FUT8: variants seen among roughly 807,000 people sequenced by gnomAD.
The protein encoded by FUT8 is alpha-(1,6)-fucosyltransferase.
A neutral mutation model predicts 71.3 loss-of-function variants in FUT8; 29 were observed. That is an observed-to-expected ratio of 0.41 (90% CI 0.30 to 0.55). The LOEUF (loss-of-function observed/expected upper bound fraction) is 0.55. FUT8 is among the 20% of genes least tolerant of loss of function. The pLI, the probability that FUT8 is intolerant of heterozygous loss-of-function variation, is 0.34. For synonymous variants in FUT8, 254 were observed against 239.3 expected, an observed-to-expected ratio of 1.06 and a Z score of -0.57; for missense variants, 544 against 702.1, an observed-to-expected ratio of 0.77 and a Z score of 2.55.
intron 3 of FUT8, among the ~76,000 whole-genome samples, chr14:65,593,340 T>A (rs1337546897): frequency 2.0e-5 from 3 of 152,232 alleles, no homozygotes; most frequent in Non-Finnish European, 4.4e-5. Context: ...GAGGGGAATC[T>A]ACTGCATTCA....
intron 2 of FUT8, among the ~76,000 whole-genome samples, chr14:65,506,968 T>G (rs1182700672): frequency 6.6e-6 from 1 of 152,236 alleles, no homozygotes; most frequent in African/African-American, 2.4e-5. Context: ...CTCAGCTGTT[T>G]ACAGACTCCC....
intron 3 of FUT8, among the ~76,000 whole-genome samples, chr14:65,609,586 T>C (rs2140195178): frequency 6.6e-6 from 1 of 152,084 alleles, no homozygotes; most frequent in South Asian, 2.1e-4. Context: ...CCCGGACTCT[T>C]TTCTGTTTCA....
At chr14:65,741,385 A>G (rs1022411903) in intron 10 of FUT8, among the ~76,000 whole-genome samples, 2 of 151,964 alleles carry the variant, frequency 1.3e-5, no homozygotes, top group Admixed American at 1.3e-4. Context: ...GTGCTTGTTG[A>G]TTGTCAGTAA....
intron 7 of FUT8, among the ~76,000 whole-genome samples, chr14:65,695,348 G>T (rs74058561): frequency 1.3e-5 from 2 of 152,118 alleles, no homozygotes; most frequent in Admixed American, 6.5e-5. Context: ...GTTGTTAGGT[G>T]CATTATACAT....
intron 6 of FUT8, among the ~76,000 whole-genome samples, chr14:65,651,168 TAA>T (rs370569158): frequency 0.01 from 1,590 of 152,178 alleles, 29 homozygotes; most frequent in African/African-American, 0.037. Flanking sequence ...GAGGGAGGAT[TAA>T]AAAGAGGAGG....
chr14:65,735,640 A>G (rs962894526), intron 10 of FUT8, among the ~76,000 whole-genome samples: 1 of 152,154 alleles, frequency 6.6e-6, no homozygotes, highest in African/African-American at 2.4e-5. Context: ...ATAAAAGTTT[A>G]ACAGTAGAAA....
At chr14:65,540,945 G>A (rs1010085159) in intron 2 of FUT8, among the ~76,000 whole-genome samples, 5 of 152,178 alleles carry the variant, frequency 3.3e-5, no homozygotes, top group South Asian at 2.1e-4. Context: ...GATGGATATT[G>A]GGGATGGTTA....
At chr14:65,450,048 TTCA>T (rs1426834206) in intron 1 of FUT8, among the ~76,000 whole-genome samples, 7 of 152,248 alleles carry the variant, frequency 4.6e-5, no homozygotes, top group Non-Finnish European at 1.0e-4. Context: ...TGGGTTCTTC[TTCA>T]TTTCATATGT....
At chr14:65,460,155 G>C (rs1191677436) in intron 2 of FUT8, among the ~76,000 whole-genome samples, 1 of 152,206 alleles carries the variant, frequency 6.6e-6, no homozygotes, top group South Asian at 2.1e-4. Flanking sequence ...AGTCTTTTAG[G>C]ACAAAGGAAA....
At chr14:65,387,869 T>C in the FUT8 span, among the ~76,000 whole-genome samples, 1 of 152,226 alleles carries the variant, frequency 6.6e-6, no homozygotes, top group Non-Finnish European at 1.5e-5. Context: ...TGTTATTCCA[T>C]CATGACCACA....
rs566414481 is a variant in FUT8, at chr14:65,513,288, G to A, written c.-227-48049G>A. Among the ~76,000 whole-genome samples the A allele has an allele frequency of 2.0e-5, 3 of 152,218 alleles. No homozygotes were observed. In the East Asian group the frequency reaches 5.8e-4, roughly 29 times the overall value. On this transcript the variant is annotated intron_variant, in intron 2 of 10. Transcript: ENST00000673929. The stretch of plus-strand genomic sequence containing the variant: ...GTTATCATTTGGCATTTATTAACTA[G>A]CCTTGATATACTGTGCATTAGTTGG...
chr14:65,544,352 A>AT (rs1354077259), intron 2 of FUT8, among the ~76,000 whole-genome samples: 3 of 152,168 alleles, frequency 2.0e-5, no homozygotes, highest in African/African-American at 7.2e-5. Context: ...CTCCTACTTT[A>AT]TAGCAGGGTA....
chr14:65,597,418 G>A (rs973004147), intron 3 of FUT8, among the ~76,000 whole-genome samples: 3 of 151,658 alleles, frequency 2.0e-5, no homozygotes, highest in Non-Finnish European at 4.4e-5. Context: ...CACGAGGTCA[G>A]GAGATCGAGA....
chr14:65,419,291 C>G (rs566809259), intron 1 of FUT8, among the ~76,000 whole-genome samples: 1 of 151,844 alleles, frequency 6.6e-6, no homozygotes, highest in Non-Finnish European at 1.5e-5. Context: ...AAAACAAAAA[C>G]AAATTCTAAC....
intron 7 of FUT8, among the ~76,000 whole-genome samples, chr14:65,677,995 A>C (rs1226983521): frequency 1.3e-5 from 2 of 152,242 alleles, no homozygotes; most frequent in Non-Finnish European, 2.9e-5. Context: ...ATTTGGAGTC[A>C]GAAGTTATTA....
intron 2 of FUT8, among the ~76,000 whole-genome samples, chr14:65,523,076 T>G (rs556411105): frequency 2.6e-5 from 4 of 152,322 alleles, no homozygotes; most frequent in Admixed American, 2.6e-4. Flanking sequence ...TATAATCCTT[T>G]GGGTATATAC....
the FUT8 span, among the ~76,000 whole-genome samples, chr14:65,388,499 C>T: frequency 9.2e-5 from 14 of 152,260 alleles, no homozygotes; most frequent in Admixed American, 3.3e-4. Flanking sequence ...TGGTGGCTCA[C>T]GCCTGTAATC....
chr14:65,491,331 TAA>T (rs1490424085), intron 2 of FUT8, among the ~76,000 whole-genome samples: 7 of 152,174 alleles, frequency 4.6e-5, no homozygotes, highest in Non-Finnish European at 1.0e-4. Context: ...TAGGTCATTC[TAA>T]ATATGAGCTC....
chr14:65,446,684 T>TTTTC (rs2065746369), intron 1 of FUT8, among the ~76,000 whole-genome samples: 1 of 150,700 alleles, frequency 6.6e-6, no homozygotes, highest in Admixed American at 6.7e-5. Flanking sequence ...AGGGCTTTTT[T>TTTTC]TTTTTTTTTA....
Sources: allele counts gnomAD v4.1 joint callset (sites outside exome capture counted in the v4.1 genomes callset), GRCh38; gene constraint gnomAD v4.1.1; transcripts MANE v1.5; gene names NCBI Gene and HGNC (gene_info 2026-07-23, HGNC 2026-07-21).